Variants in STAG1 observed in about 807,000 individuals in gnomAD.
The protein encoded by STAG1 is cohesin subunit SA-1.
A neutral mutation model predicts 170.9 loss-of-function variants in STAG1; 26 were observed. That is an observed-to-expected ratio of 0.15 (90% confidence interval 0.11 to 0.21). The LOEUF (loss-of-function observed/expected upper bound fraction) is 0.21, where lower values mean the gene tolerates loss of function less well. Among genes scored for constraint, STAG1 ranks in the 10% least tolerant of loss-of-function variants. The pLI is 1.00. For synonymous variants in STAG1, 514 were observed against 497.7 expected (o/e 1.03, Z -0.44); for missense variants, 964 against 1,509.5 (o/e 0.64, Z 5.99).
chr3:136,517,624 A>G (rs748664850), intron 7 of STAG1, among the ~76,000 whole-genome samples: 1 of 152,146 alleles, frequency 6.6e-6, no homozygotes, highest in Non-Finnish European at 1.5e-5. Context: ...TTGAACTTAA[A>G]AGGAAAATAT....
chr3:136,533,587 G>C (rs1416306287), intron 6 of STAG1, among the ~76,000 whole-genome samples: 1 of 152,080 alleles, frequency 6.6e-6, no homozygotes, highest in Non-Finnish European at 1.5e-5. Context: ...AGGAGCAAGG[G>C]GGCAGGGATG....
chr3:136,530,152 A>G (rs1237213909), intron 6 of STAG1, among the ~76,000 whole-genome samples: 1 of 152,230 alleles, frequency 6.6e-6, no homozygotes, highest in African/African-American at 2.4e-5. Flanking sequence ...TCATTATATA[A>G]TGATAAAGAG....
intron 9 of STAG1, among the ~76,000 whole-genome samples, chr3:136,486,999 C>CAAAAAA (rs536392595): frequency 1.6e-4 from 9 of 54,662 alleles, no homozygotes; most frequent in African/African-American, 8.3e-4. Context: ...TTTATTTCTT[C>CAAAAAA]AAAAAAAAAA....
At chr3:136,443,888 T>C (rs2088702278) in intron 14 of STAG1, among the ~76,000 whole-genome samples, 1 of 152,174 alleles carries the variant, frequency 6.6e-6, no homozygotes, top group African/African-American at 2.4e-5. Context: ...CTCTCCACTA[T>C]TCTACTCTCA....
intron 1 of STAG1, among the ~76,000 whole-genome samples, chr3:136,681,997 C>CA (rs1942352245): frequency 6.6e-6 from 1 of 152,020 alleles, no homozygotes; most frequent in Non-Finnish European, 1.5e-5. Context: ...CCTTTCTATT[C>CA]AACATGGTGC....
intron 21 of STAG1, among the ~76,000 whole-genome samples, chr3:136,406,829 C>A (rs1243616805): frequency 1.4e-5 from 2 of 143,834 alleles, no homozygotes; most frequent in African/African-American, 5.0e-5. Flanking sequence ...AAAAGGTTAA[C>A]TTCCGTGATT....
In STAG1 at chr3:136,337,971, C is replaced by T; in HGVS notation, c.*283G>A. 1 of 322,336 alleles carries T rather than the reference C, an allele frequency of 3.1e-6. No individual in the cohort carries two copies. The highest frequency in any genetic ancestry group is 1.3e-4 in the South Asian group (1 of 7,524). The allele number at this position is 322,336 out of a possible 1,614,324, so 20.0% of individuals were successfully genotyped here. A position where few individuals can be genotyped will look rare whatever the true frequency, so the allele number is the denominator to read the frequency against. On this transcript the variant is annotated 3_prime_UTR_variant, in exon 34 of 34. Coordinates refer to ENST00000383202, the MANE Select transcript of STAG1 (RefSeq NM_005862.3). Reference sequence around the variant, plus strand: ...CAGCTGTTTTAAAAATTTAAAATTTCTTCCTCCCTCCAGAAAAACACACAC... The same window carrying T: ...CAGCTGTTTTAAAAATTTAAAATTTTTTCCTCCCTCCAGAAAAACACACAC...
intron 29 of STAG1, among the ~76,000 whole-genome samples, chr3:136,344,477 C>T (rs1413762176): frequency 6.6e-6 from 1 of 152,104 alleles, no homozygotes; most frequent in African/African-American, 2.4e-5. Context: ...TCCCCTTGCA[C>T]AACTAGACAC....
At chr3:136,563,298 A>G (rs948434639) in intron 5 of STAG1, among the ~76,000 whole-genome samples, 1 of 152,086 alleles carries the variant, frequency 6.6e-6, no homozygotes, top group Non-Finnish European at 1.5e-5. Flanking sequence ...TAGTAATTTT[A>G]CACCTTTCAG....
chr3:136,751,171 C>T (rs1267457960), intron 1 of STAG1, among the ~76,000 whole-genome samples: 3 of 138,264 alleles, frequency 2.2e-5, no homozygotes, highest in African/African-American at 2.7e-5. Flanking sequence ...TGACAAATTG[C>T]GTTTTTTTTT....
intron 3 of STAG1, among the ~76,000 whole-genome samples, chr3:136,616,279 A>C (rs1041733578): frequency 1.3e-5 from 2 of 152,082 alleles, no homozygotes; most frequent in Non-Finnish European, 2.9e-5. Context: ...AAAAAAAAAA[A>C]AAAAGTCATC....
intron 1 of STAG1, among the ~76,000 whole-genome samples, chr3:136,662,367 G>A (rs761654612): frequency 7.2e-5 from 11 of 152,036 alleles, no homozygotes; most frequent in Non-Finnish European, 1.5e-4. Context: ...GGCCAGGTTG[G>A]TCTCAAACTC....
At chr3:136,533,718 C>A (rs1935487507) in intron 6 of STAG1, among the ~76,000 whole-genome samples, 1 of 152,192 alleles carries the variant, frequency 6.6e-6, no homozygotes, top group African/African-American at 2.4e-5. Context: ...CACTTCCCAC[C>A]AGGCCCCACT....
intron 1 of STAG1, among the ~76,000 whole-genome samples, chr3:136,653,909 T>C (rs564659570): frequency 6.6e-6 from 1 of 152,244 alleles, no homozygotes; most frequent in Admixed American, 6.5e-5. Flanking sequence ...ATCATCTCAA[T>C]GCAGAAAAGG....
chr3:136,589,191 T>C (rs1938016924), intron 4 of STAG1, among the ~76,000 whole-genome samples: 1 of 152,104 alleles, frequency 6.6e-6, no homozygotes, highest in African/African-American at 2.4e-5. Context: ...GCACCTGGCC[T>C]ATTTTATCTT....
At chr3:136,712,057 C>T (rs912766053) in intron 1 of STAG1, among the ~76,000 whole-genome samples, 3 of 152,192 alleles carry the variant, frequency 2.0e-5, no homozygotes, top group African/African-American at 4.8e-5. Context: ...CTTGCTCTGT[C>T]GCCAGGCTGG....
At position 136,581,311 on chromosome 3, in the gene STAG1, C is replaced by T. The variant is rs1482180307; in HGVS notation, c.298-12450G>A. ...TCGGTAGAGCAAGTCCTTCATTACTCTTCATTTCCAGAATTTTCTTGCCAC... is the reference window on the plus strand; with the variant it reads ...TCGGTAGAGCAAGTCCTTCATTACTTTTCATTTCCAGAATTTTCTTGCCAC... On this transcript the variant is annotated intron_variant, in intron 4 of 33. Coordinates refer to ENST00000383202, the MANE Select transcript of STAG1 (RefSeq NM_005862.3). Among the ~76,000 whole-genome samples the T allele has an allele frequency of 3.3e-5, 5 of 152,294 alleles. No individual in the cohort carries two copies. In the East Asian group the frequency reaches 9.6e-4, roughly 29 times the overall value.
rs533620115 is a variant in STAG1 at position 136,508,878 on chromosome 3, G to A, written c.677-6099C>T. 1.4e-3 allele frequency among the ~76,000 whole-genome samples: 206 copies of A among 152,226 alleles called. 3 individuals are homozygous for A. The highest frequency in any genetic ancestry group is 4.7e-3 in the African/African-American group (194 of 41,522). Reference sequence around the variant, plus strand: ...TGTACGTGTGTGTGTGTCTGTGTGCGCGCGTGCGCGAGAGAGAGAGAGAGA... The same window carrying A: ...TGTACGTGTGTGTGTGTCTGTGTGCACGCGTGCGCGAGAGAGAGAGAGAGA... On this transcript the variant is annotated intron_variant, in intron 7 of 33. Coordinates refer to ENST00000383202, the MANE Select transcript of STAG1 (RefSeq NM_005862.3).
chr3:136,524,052 G>A (rs1234164348), intron 6 of STAG1, among the ~76,000 whole-genome samples: 1 of 147,210 alleles, frequency 6.8e-6, no homozygotes, highest in Non-Finnish European at 1.5e-5. Context: ...TTGTTCTTTT[G>A]GCTTAGGATT....
Sources: allele counts gnomAD v4.1 joint callset (sites outside exome capture counted in the v4.1 genomes callset), GRCh38; gene constraint gnomAD v4.1.1; transcripts MANE v1.5; gene names NCBI Gene and HGNC (gene_info 2026-07-23, HGNC 2026-07-21).